Variants in GAREM1 observed in about 807,000 individuals in gnomAD.
The protein encoded by GAREM1 is GRB2 associated regulator of MAPK1 subtype 1.
In GAREM1, 26 loss-of-function variants were observed where a neutral mutation model predicts 71.3. That is an observed-to-expected ratio of 0.36 (90% CI 0.27 to 0.51). The LOEUF (loss-of-function observed/expected upper bound fraction) is 0.51, where lower values mean the gene tolerates loss of function less well. Ranked by LOEUF, GAREM1 falls within the 20% of genes least tolerant of loss-of-function variation. The pLI is 0.95. For synonymous variants in GAREM1, 440 were observed against 433.2 expected, an observed-to-expected ratio of 1.02 and a Z score of -0.20; for missense variants, 1,026 against 1,103.1, an observed-to-expected ratio of 0.93 and a Z score of 0.99.
chr18:32,299,620 A>G (rs1555632489), intron 3 of GAREM1, among the ~76,000 whole-genome samples: 1 of 152,056 alleles, frequency 6.6e-6, no homozygotes, highest in Non-Finnish European at 1.5e-5. Flanking sequence ...AGGAATCAAT[A>G]ATTTCTGACC....
intron 2 of GAREM1, among the ~76,000 whole-genome samples, chr18:32,368,368 CAT>C (rs1172353671): frequency 6.6e-6 from 1 of 152,166 alleles, no homozygotes; most frequent in African/African-American, 2.4e-5. Flanking sequence ...AGCACTGAGT[CAT>C]ATTATTTCAC....
chr18:32,271,421 T>G (rs2144418562), intron 4 of GAREM1, among the ~76,000 whole-genome samples: 1 of 152,184 alleles, frequency 6.6e-6, no homozygotes, highest in South Asian at 2.1e-4. Context: ...TTGAACTCCT[T>G]GCATCTACTT....
intron 1 of GAREM1, among the ~76,000 whole-genome samples, chr18:32,457,206 G>GGAGAGA (rs143878009): frequency 7.9e-5 from 8 of 101,772 alleles, no homozygotes; most frequent in African/African-American, 3.5e-4. Flanking sequence ...GTGTAGGGGG[G>GGAGAGA]GAGAGAGAGA....
intron 4 of GAREM1, among the ~76,000 whole-genome samples, chr18:32,285,478 C>T (rs558680116): frequency 6.6e-6 from 1 of 152,342 alleles, no homozygotes; most frequent in Admixed American, 6.5e-5. Flanking sequence ...CTTGTTTTCC[C>T]TCTTACATGC....
At chr18:32,395,285 C>G (rs2048240615) in intron 1 of GAREM1, among the ~76,000 whole-genome samples, 1 of 152,192 alleles carries the variant, frequency 6.6e-6, no homozygotes, top group Non-Finnish European at 1.5e-5. Context: ...TTCATTCACT[C>G]AACCAATATA....
chr18:32,270,149 C>A, intron 5 of GAREM1, 68 bp downstream of exon 5: 1 of 1,518,114 alleles, frequency 6.6e-7, no homozygotes, highest in Non-Finnish European at 9.1e-7. Context: ...CGTGAAAATG[C>A]TTTCAAGAAC....
intron 3 of GAREM1, among the ~76,000 whole-genome samples, chr18:32,306,754 T>G (rs2047259759): frequency 6.6e-6 from 1 of 152,210 alleles, no homozygotes; most frequent in African/African-American, 2.4e-5. Context: ...ATGTATTTCT[T>G]GTCTACCTCC....
At chr18:32,435,087 T>C (rs527551157) in intron 1 of GAREM1, among the ~76,000 whole-genome samples, 2 of 152,232 alleles carry the variant, frequency 1.3e-5, no homozygotes, top group South Asian at 2.1e-4. Flanking sequence ...GATAAAACAT[T>C]GAACAAATCC....
intron 5 of GAREM1, among the ~76,000 whole-genome samples, chr18:32,269,177 G>A (rs1319534795): frequency 6.6e-6 from 1 of 152,178 alleles, no homozygotes; most frequent in Non-Finnish European, 1.5e-5. Context: ...TGCCATGCTT[G>A]TGCTACAGTG....
At chr18:32,323,890 A>T (rs1243653265) in intron 2 of GAREM1, among the ~76,000 whole-genome samples, 1 of 152,122 alleles carries the variant, frequency 6.6e-6, no homozygotes, top group Non-Finnish European at 1.5e-5. Context: ...ATGAAAAGAG[A>T]AGGGGAAAAC....
chr18:32,400,578 C>T lies in GAREM1; in HGVS notation c.122-7543G>A, dbSNP rs2048305103. The stretch of plus-strand genomic sequence containing the variant: ...GCCAACAGACACATGAAAAAATGCT[C>T]ATCATCACTGGCCATCAGAGACATG... On this transcript the variant is annotated intron_variant, in intron 1 of 5. Coordinates refer to ENST00000269209, the MANE Select transcript of GAREM1 (RefSeq NM_001242409.2). Among the ~76,000 whole-genome samples the T allele has an allele frequency of 5.3e-5, 8 of 152,206 alleles. No individual in the cohort carries two copies. The South Asian group carries it at 1.7e-3, about 31-fold the overall frequency.
chr18:32,287,197 G>A lies in GAREM1; in HGVS notation c.1400C>T (p.Pro467Leu), dbSNP rs1485285151. 1 of 1,614,104 alleles carries A rather than the reference G, an allele frequency of 6.2e-7. No homozygotes were observed. The highest frequency in any genetic ancestry group is 8.5e-7 in the Non-Finnish European group (1 of 1,180,040). ...WLEEGKPSHQ[P>L]LTRSLSEKNR... The stretch of plus-strand genomic sequence containing the variant: ...CTTCTCGCTCAGAGAGCGAGTGAGA[G>A]GCTGATGGCTGGGCTTGCCTTCCTC... The change falls in exon 4 of 6, where the codon CCT (proline) becomes CTT (leucine). Residue 467 changes from proline to leucine, a missense_variant. Physicochemically the swap from Pro to Leu is moderately conservative, Grantham distance 98. Around this residue, in one of 3 missense-constraint regions of GAREM1, gnomAD observed 636 missense variants for 631.2 expected, o/e 1.01. Transcript: ENST00000269209. This position sits in a 1 kb window ranked among gnomAD's most constrained non-coding sequence, Gnocchi z 5.9.
At chr18:32,290,135 T>A (rs989167106) in intron 3 of GAREM1, 2 of 151,640 alleles carry the variant, frequency 1.3e-5, no homozygotes, top group East Asian at 3.8e-4. Flanking sequence ...AAGTATTATA[T>A]ACTAAGTTCA....
At chr18:32,294,854 T>C (rs2047125033) in intron 3 of GAREM1, among the ~76,000 whole-genome samples, 1 of 152,172 alleles carries the variant, frequency 6.6e-6, no homozygotes, top group Non-Finnish European at 1.5e-5. Context: ...GTGGTGACAG[T>C]GAGCATTTTA....
intron 3 of GAREM1, among the ~76,000 whole-genome samples, chr18:32,293,283 G>C (rs1342497808): frequency 1.3e-5 from 2 of 152,110 alleles, no homozygotes; most frequent in African/African-American, 4.8e-5. Flanking sequence ...CAAGGGTAGG[G>C]CTGAAATGGT....
At chr18:32,422,952 C>T (rs2048534322) in intron 1 of GAREM1, among the ~76,000 whole-genome samples, 2 of 152,224 alleles carry the variant, frequency 1.3e-5, no homozygotes, top group Non-Finnish European at 2.9e-5. Flanking sequence ...CCTCCTGCTT[C>T]TTGGTCTCAA....
chr18:32,397,932 A>G (rs1393796510), intron 1 of GAREM1, among the ~76,000 whole-genome samples: 1 of 152,216 alleles, frequency 6.6e-6, no homozygotes, highest in Admixed American at 6.5e-5. Flanking sequence ...CTCCTCAGCA[A>G]ATGTAAAAGA....
Position 32,287,677 on chromosome 18 carries a change from C to T in GAREM1, c.920G>A (p.Ser307Asn). The stretch of plus-strand genomic sequence containing the variant: ...TCCCTTCACCAGGTGTTCTGGGAGG[C>T]TGAACTTGGGGACAGTCAAGTGCAA... ...FPLHLTVPKF[S>N]LPEHLVKGES... The change falls in exon 4 of 6, where the codon AGC becomes AAC. Residue 307 changes from serine (S) to asparagine (N), a missense_variant. Transcript: ENST00000269209. This position sits in a 1 kb window ranked among gnomAD's most constrained non-coding sequence, Gnocchi z 5.9. 1 of 1,614,180 alleles carries T rather than the reference C, an allele frequency of 6.2e-7. No individual in the cohort carries two copies. The highest frequency in any genetic ancestry group is 8.5e-7 in the Non-Finnish European group (1 of 1,180,024).
intron 2 of GAREM1, among the ~76,000 whole-genome samples, chr18:32,330,526 A>G (rs2047522026): frequency 6.6e-6 from 1 of 152,202 alleles, no homozygotes; most frequent in Admixed American, 6.5e-5. Context: ...ATGATTAAAA[A>G]AAGAATAGAT....
Sources: gnomAD v4.1 joint callset for allele counts (sites outside exome capture counted in the v4.1 genomes callset) on GRCh38, gnomAD v4.1.1 for gene constraint, gnomAD v4.1.1 regional missense constraint, Gnocchi (gnomAD v3.1) non-coding constraint, MANE v1.5 for transcripts, NCBI Gene and HGNC (gene_info 2026-07-23, HGNC 2026-07-21) for gene names.